Variants in ATP8A2 observed in about 807,000 individuals in gnomAD.
ATP8A2 encodes phospholipid-transporting ATPase IB.
A neutral mutation model predicts 165.6 loss-of-function variants in ATP8A2; 100 were observed. The ratio of observed to expected loss-of-function variants is 0.60; its 90% CI spans 0.51 to 0.71. ATP8A2 has a LOEUF of 0.71. Ranked by LOEUF, ATP8A2 falls within the 30% of genes least tolerant of loss-of-function variation. The probability of loss-of-function intolerance (pLI) is 0.00; values close to 1 mark genes in which losing one functional copy is unlikely to be tolerated. For missense variants in ATP8A2, 1,227 were observed against 1,479.5 expected (o/e 0.83, Z 2.80); for synonymous variants, 543 against 548.8 (o/e 0.99, Z 0.15).
At position 25,563,964 on chromosome 13, in the gene ATP8A2, C is replaced by T. The variant is rs1172459870; in HGVS notation, c.1406C>T (p.Pro469Leu). Residue 469 changes from proline (P) to leucine (L), a missense_variant, in exon 16 of 37, where the codon CCT (proline) becomes CTT (leucine). Transcript: ENST00000381655. The stretch of plus-strand genomic sequence containing the variant: ...TCTGTTCTCTCTTACAGTCGGATGC[C>T]TCCTCCCTGTAGTGATTCCTGTGAC... ...EPSSDDFCRM[P>L]PPCSDSCDFD... 1 of 1,611,602 alleles carries T rather than the reference C, an allele frequency of 6.2e-7. No homozygotes were observed. The highest frequency in any genetic ancestry group is 1.7e-5 in the Admixed American group (1 of 60,016).
At chr13:25,487,586 C>T (rs55798722) in intron 2 of ATP8A2, among the ~76,000 whole-genome samples, 8,106 of 152,210 alleles carry the variant, frequency 0.053, 700 homozygotes, top group African/African-American at 0.18. Context: ...TGTTTGACAA[C>T]AACTCTCCCA....
chr13:25,729,555 G>T (rs941739331), intron 25 of ATP8A2, among the ~76,000 whole-genome samples: 1 of 152,164 alleles, frequency 6.6e-6, no homozygotes, highest in Non-Finnish European at 1.5e-5. Context: ...GTCCAACCAC[G>T]ATGTCATTTA....
chr13:25,810,092 C>G (rs1950828847), intron 27 of ATP8A2, among the ~76,000 whole-genome samples: 1 of 152,162 alleles, frequency 6.6e-6, no homozygotes, highest in Admixed American at 6.5e-5. Context: ...CCCAGGAGAA[C>G]AGTTGCCATA....
chr13:25,591,859 C>T (rs919715184), intron 24 of ATP8A2, among the ~76,000 whole-genome samples: 1 of 152,132 alleles, frequency 6.6e-6, no homozygotes, highest in Non-Finnish European at 1.5e-5. Flanking sequence ...ATACAAATAT[C>T]TTTTTGAGAT....
chr13:25,614,292 G>T (rs1020007420), intron 24 of ATP8A2, among the ~76,000 whole-genome samples: 1 of 152,052 alleles, frequency 6.6e-6, no homozygotes. Context: ...TTGTCTACTT[G>T]TTCAATTTTG....
At chr13:25,594,971 G>GGT (rs540426532) in intron 24 of ATP8A2, among the ~76,000 whole-genome samples, 2,493 of 113,574 alleles carry the variant, frequency 0.022, 35 homozygotes, top group South Asian at 0.045. Context: ...AAGAAACTGT[G>GGT]GTGTGTGTGT....
rs150067227 is a variant in ATP8A2, at chr13:25,883,231, C to T, written c.3183+20823C>T. On this transcript the variant is annotated intron_variant, in intron 33 of 36. Coordinates refer to ENST00000381655, the MANE Select transcript of ATP8A2 (RefSeq NM_016529.6). The stretch of plus-strand genomic sequence containing the variant: ...CAGTGTGTGGCATGCTTTCTCTGCA[C>T]TCTCAGAGCTCGCTGCATACTCTTA... Among the ~76,000 whole-genome samples, 306 of 152,144 alleles carry T rather than the reference C, an allele frequency of 2.0e-3. 2 individuals carry two copies. Among genetic ancestry groups the T allele is most frequent in the African/African-American group, 6.1e-3 (254 of 41,498 alleles).
intron 24 of ATP8A2, chr13:25,648,946 T>A (rs1287518657): frequency 2.2e-6 from 1 of 457,382 alleles, no homozygotes; most frequent in African/African-American, 2.0e-5. Context: ...TTCTTGCAGT[T>A]CATGGAATTT....
intron 33 of ATP8A2, among the ~76,000 whole-genome samples, chr13:25,889,245 C>CATATATATGTATATATATATATAT: frequency 9.1e-6 from 1 of 109,936 alleles, no homozygotes; most frequent in Admixed American, 1.0e-4. Context: ...CATCCTTTGT[C>CATATATATGTATATATATATATAT]ATATATATAT....
chr13:25,485,066 G>A (rs568070573), intron 2 of ATP8A2, among the ~76,000 whole-genome samples: 17 of 152,276 alleles, frequency 1.1e-4, no homozygotes, highest in Non-Finnish European at 2.1e-4. Flanking sequence ...TTACAAATTA[G>A]AATTCATTGA....
intron 27 of ATP8A2, among the ~76,000 whole-genome samples, chr13:25,803,308 T>A (rs1423873308): frequency 6.6e-6 from 1 of 152,180 alleles, no homozygotes; most frequent in Non-Finnish European, 1.5e-5. Flanking sequence ...GACAGGATTG[T>A]ACCAGATGTA....
At chr13:25,904,226 A>G (rs1953859532) in intron 33 of ATP8A2, among the ~76,000 whole-genome samples, 2 of 152,174 alleles carry the variant, frequency 1.3e-5, no homozygotes. Context: ...CGTGATGCTC[A>G]ACCTATACCT....
chr13:26,005,718 T>G (rs1454432421), intron 35 of ATP8A2, among the ~76,000 whole-genome samples: 1 of 152,040 alleles, frequency 6.6e-6, no homozygotes, highest in Non-Finnish European at 1.5e-5. Flanking sequence ...CCCAATTCCA[T>G]TGTTTGGCAT....
At chr13:25,435,964 T>TGA (rs755404475) in intron 1 of ATP8A2, among the ~76,000 whole-genome samples, 23 of 149,894 alleles carry the variant, frequency 1.5e-4, no homozygotes, top group South Asian at 4.2e-4. Flanking sequence ...TGTGTGTGTG[T>TGA]GTGTGTGTAT....
intron 16 of ATP8A2, among the ~76,000 whole-genome samples, chr13:25,564,566 G>A (rs1029907881): frequency 2.0e-5 from 3 of 152,106 alleles, no homozygotes; most frequent in African/African-American, 4.8e-5. Flanking sequence ...GTTACCCAGC[G>A]CATAAATGTA....
intron 24 of ATP8A2, among the ~76,000 whole-genome samples, chr13:25,666,179 G>A (rs940063647): frequency 2.0e-5 from 3 of 151,748 alleles, no homozygotes; most frequent in African/African-American, 7.3e-5. Context: ...AAGAATATTA[G>A]TTTTTATTAA....
intron 25 of ATP8A2, among the ~76,000 whole-genome samples, chr13:25,738,722 A>G (rs1313305455): frequency 6.6e-6 from 1 of 152,248 alleles, no homozygotes; most frequent in Non-Finnish European, 1.5e-5. Context: ...TGCCACTTGG[A>G]TCCTTGCCAG....
At chr13:25,533,949 A>G (rs1050313765) in intron 6 of ATP8A2, among the ~76,000 whole-genome samples, 15 of 152,352 alleles carry the variant, frequency 9.8e-5, no homozygotes, top group Admixed American at 7.8e-4. Flanking sequence ...TAATGGACAC[A>G]AGATGTGTTG....
chr13:25,399,145 C>A (rs1438153563), intron 1 of ATP8A2, among the ~76,000 whole-genome samples: 1 of 152,082 alleles, frequency 6.6e-6, no homozygotes. Flanking sequence ...TGATATACCA[C>A]CCAGTGTGGG....
Sources: allele counts gnomAD v4.1 joint callset (sites outside exome capture counted in the v4.1 genomes callset), GRCh38; gene constraint gnomAD v4.1.1; transcripts MANE v1.5; gene names NCBI Gene and HGNC (gene_info 2026-07-23, HGNC 2026-07-21).